Variants in GRID2 observed in about 807,000 individuals in gnomAD.
The protein encoded by GRID2 is glutamate receptor ionotropic, delta-2.
Under a neutral mutation model 114.8 loss-of-function variants are expected in GRID2, and 33 were observed. The observed-to-expected ratio is 0.29, with a 90% confidence interval of 0.22 to 0.38. The LOEUF (loss-of-function observed/expected upper bound fraction) is 0.38, where lower values mean the gene tolerates loss of function less well. Among genes scored for constraint, GRID2 ranks in the 10% least tolerant of loss-of-function variants. The probability of loss-of-function intolerance (pLI) is 1.00; values close to 1 mark genes in which losing one functional copy is unlikely to be tolerated. For missense variants in GRID2, 1,184 were observed against 1,257.7 expected, an observed-to-expected ratio of 0.94 and a Z score of 0.89; for synonymous variants, 505 against 449.9, an observed-to-expected ratio of 1.12 and a Z score of -1.55.
chr4:92,658,825 AC>A (rs1732381706), intron 2 of GRID2, among the ~76,000 whole-genome samples: 2 of 148,050 alleles, frequency 1.4e-5, no homozygotes, highest in South Asian at 2.2e-4. Context: ...ATATACACAC[AC>A]ACAATCACAT....
At chr4:92,836,075 T>G (rs1006388774) in intron 2 of GRID2, among the ~76,000 whole-genome samples, 1 of 152,192 alleles carries the variant, frequency 6.6e-6, no homozygotes, top group African/African-American at 2.4e-5. Flanking sequence ...ATCTTCTTTT[T>G]GTAAATAGCT....
chr4:93,166,594 G>C (rs1473483701), intron 4 of GRID2, among the ~76,000 whole-genome samples: 2 of 152,116 alleles, frequency 1.3e-5, no homozygotes. Context: ...AGAACTATCT[G>C]GAGTATAAAA....
chr4:92,711,854 G>A (rs536204881), intron 2 of GRID2, among the ~76,000 whole-genome samples: 4 of 152,316 alleles, frequency 2.6e-5, no homozygotes, highest in South Asian at 4.1e-4. Flanking sequence ...AGTGAGCTAT[G>A]ATCCTGCCAC....
intron 2 of GRID2, among the ~76,000 whole-genome samples, chr4:92,992,968 A>C (rs533013872): frequency 1.3e-5 from 2 of 151,960 alleles, no homozygotes; most frequent in African/African-American, 4.8e-5. Context: ...GTCACTTTCC[A>C]TTGCAGCTAC....
chr4:93,034,502 C>A (rs1194423625), intron 2 of GRID2, among the ~76,000 whole-genome samples: 2 of 152,170 alleles, frequency 1.3e-5, no homozygotes, highest in African/African-American at 2.4e-5. Context: ...GGAATGCTTT[C>A]TCAGGTGTTA....
At chr4:93,532,164 G>A (rs777601847) in intron 13 of GRID2, among the ~76,000 whole-genome samples, 10 of 152,084 alleles carry the variant, frequency 6.6e-5, no homozygotes, top group Non-Finnish European at 1.2e-4. Context: ...GTTAAAATAT[G>A]GAAAATGTAA....
chr4:93,085,215 T>C lies in GRID2; in HGVS notation c.465T>C (p.Val155=). 6.2e-7 allele frequency: 1 copy of C among 1,613,740 alleles called. No homozygotes were observed. The highest frequency in any genetic ancestry group is 8.5e-7 in the Non-Finnish European group (1 of 1,179,578). The change falls in exon 3 of 16, where the codon GTT becomes GTC. Residue 155 remains valine, a synonymous_variant. Transcript: ENST00000282020. ...SVRPPVYLHD[V]ILRVVTEYAW... is the part of the protein sequence containing the mutation. ...GCCCACCTGTCTACTTGCATGATGT[T>C]ATCCTAAGAGTGGTCACAGAGTATG... is the stretch of plus-strand genomic sequence containing the variant.
chr4:93,120,751 A>C (rs1217165725), intron 4 of GRID2, among the ~76,000 whole-genome samples: 4 of 152,080 alleles, frequency 2.6e-5, no homozygotes, highest in Non-Finnish European at 5.9e-5. Context: ...CAGTAGATCG[A>C]GACCATCCTG....
At chr4:93,053,279 T>A (rs950943275) in intron 2 of GRID2, among the ~76,000 whole-genome samples, 6 of 151,960 alleles carry the variant, frequency 3.9e-5, no homozygotes, top group Non-Finnish European at 5.9e-5. Flanking sequence ...AATATGTGTA[T>A]TACTGAGCCC....
At chr4:93,468,973 G>A (rs1378794184) in intron 11 of GRID2, among the ~76,000 whole-genome samples, 3 of 152,044 alleles carry the variant, frequency 2.0e-5, no homozygotes, top group Non-Finnish European at 2.9e-5. Context: ...CCCAGCCATC[G>A]TACATTTTAA....
chr4:92,718,538 A>T (rs1329213719), intron 2 of GRID2, among the ~76,000 whole-genome samples: 1 of 152,202 alleles, frequency 6.6e-6, no homozygotes, highest in African/African-American at 2.4e-5. Flanking sequence ...CTGAGGCAGG[A>T]CGATTATTTG....
intron 1 of GRID2, among the ~76,000 whole-genome samples, chr4:92,562,874 T>G (rs1727163899): frequency 6.6e-6 from 1 of 152,242 alleles, no homozygotes; most frequent in Non-Finnish European, 1.5e-5. Flanking sequence ...AGTGCCCTGA[T>G]GCTAAGAGCT....
chr4:93,579,337 G>A (rs552646891), intron 13 of GRID2, among the ~76,000 whole-genome samples: 219 of 152,086 alleles, frequency 1.4e-3, no homozygotes, highest in African/African-American at 5.1e-3. Flanking sequence ...ACCTTTTGTC[G>A]GGAAGCTCAA....
At chr4:93,390,380 T>C (rs1764736037) in intron 8 of GRID2, among the ~76,000 whole-genome samples, 1 of 152,194 alleles carries the variant, frequency 6.6e-6, no homozygotes. Flanking sequence ...ATTCTGATTA[T>C]ATAGGAAAAA....
intron 11 of GRID2, among the ~76,000 whole-genome samples, chr4:93,458,453 C>T (rs1256499068): frequency 1.3e-5 from 2 of 152,064 alleles, no homozygotes; most frequent in East Asian, 3.9e-4. Context: ...TGGGCCTCTC[C>T]ATGAGGTCAC....
chr4:92,591,539 T>C (rs961206855), intron 2 of GRID2, among the ~76,000 whole-genome samples: 4 of 152,184 alleles, frequency 2.6e-5, no homozygotes, highest in Admixed American at 6.5e-5. Context: ...GATACCATAT[T>C]AACTGTAACA....
chr4:92,994,242 C>T (rs1405325819), intron 2 of GRID2, among the ~76,000 whole-genome samples: 1 of 152,112 alleles, frequency 6.6e-6, no homozygotes, highest in Non-Finnish European at 1.5e-5. Flanking sequence ...GATTTAAAAC[C>T]TTATATTCCA....
chr4:92,940,517 G>A (rs1242492587), intron 2 of GRID2, among the ~76,000 whole-genome samples: 1 of 152,042 alleles, frequency 6.6e-6, no homozygotes, highest in Non-Finnish European at 1.5e-5. Context: ...CTGCAAACAG[G>A]GACAATCTGA....
intron 9 of GRID2, among the ~76,000 whole-genome samples, chr4:93,412,262 C>G (rs972493986): frequency 7.5e-6 from 1 of 133,888 alleles, no homozygotes; most frequent in African/African-American, 2.9e-5. Flanking sequence ...CCAGGCATAA[C>G]AGTGTGTGCC....
Sources: allele counts gnomAD v4.1 joint callset (sites outside exome capture counted in the v4.1 genomes callset), GRCh38; gene constraint gnomAD v4.1.1; transcripts MANE v1.5; gene names NCBI Gene and HGNC (gene_info 2026-07-23, HGNC 2026-07-21).